The following HOOK3 variants were observed in gnomAD, a reference collection of about 807,000 sequenced individuals.
HOOK3 encodes the protein hook microtubule tethering protein 3, also known as protein Hook homolog 3.
Under a neutral mutation model 116.3 loss-of-function variants are expected in HOOK3, and 24 were observed. That is an observed-to-expected ratio of 0.21 (90% CI 0.15 to 0.29). The LOEUF (loss-of-function observed/expected upper bound fraction) is 0.29. Among genes scored for constraint, HOOK3 ranks in the 10% least tolerant of loss-of-function variants. HOOK3 has a pLI of 1.00. For missense variants in HOOK3, 632 were observed against 830.2 expected (o/e 0.76, Z 2.93); for synonymous variants, 275 against 283.0 (o/e 0.97, Z 0.28).
intron 2 of HOOK3, among the ~76,000 whole-genome samples, chr8:42,915,664 T>C (rs1421867207): frequency 6.6e-6 from 1 of 152,124 alleles, no homozygotes; most frequent in Non-Finnish European, 1.5e-5. Context: ...ACTGCTGACC[T>C]CAGGAGGTCC....
chr8:42,974,161 G>T lies in HOOK3; in HGVS notation c.1288G>T (p.Val430Leu). ...LKETIEELRC[V>L]QAQEGQLTTQ... is the part of the protein sequence containing the mutation. ...GGAAACCATTGAAGAGCTTCGTTGT[G>T]TACAAGCTCAAGAAGGGCAGCTCAC... Residue 430 changes from valine to leucine, a missense_variant, in exon 13 of 22, where the codon GTA becomes TTA. Coordinates refer to ENST00000307602, the MANE Select transcript of HOOK3 (RefSeq NM_032410.4). The T allele has an allele frequency of 6.2e-7, 1 of 1,613,878 alleles. No homozygotes were observed. Among genetic ancestry groups the T allele is most frequent in the Non-Finnish European group, 8.5e-7 (1 of 1,179,772 alleles).
At chr8:42,898,996 T>C (rs1476915396) in intron 1 of HOOK3, among the ~76,000 whole-genome samples, 2 of 152,188 alleles carry the variant, frequency 1.3e-5, no homozygotes, top group African/African-American at 4.8e-5. Context: ...AATATAATGG[T>C]TGTATGGGCA....
At chr8:42,933,548 CCTT>C (rs1459379318) in intron 4 of HOOK3, among the ~76,000 whole-genome samples, 2 of 152,226 alleles carry the variant, frequency 1.3e-5, no homozygotes, top group Non-Finnish European at 2.9e-5. Flanking sequence ...CTTTCACCCT[CCTT>C]CTGGGAATTC....
At chr8:42,936,935 C>A (rs868106687) in intron 4 of HOOK3, among the ~76,000 whole-genome samples, 11 of 152,162 alleles carry the variant, frequency 7.2e-5, no homozygotes, top group Middle Eastern at 3.4e-3. Context: ...ACCTCTTTTT[C>A]TGTTGTTTGG....
intron 15 of HOOK3, among the ~76,000 whole-genome samples, chr8:42,989,989 A>C (rs777503566): frequency 6.6e-6 from 1 of 151,936 alleles, no homozygotes; most frequent in Non-Finnish European, 1.5e-5. Flanking sequence ...GTGCCTATTA[A>C]TTTTTTTATT....
At chr8:43,003,996 T>A (rs1050128336) in intron 17 of HOOK3, among the ~76,000 whole-genome samples, 38 of 152,314 alleles carry the variant, frequency 2.5e-4, no homozygotes, top group Middle Eastern at 6.8e-3. Context: ...AACTCCAATT[T>A]TTCTTTTTAG....
chr8:42,955,796 G>A (rs569305509), intron 6 of HOOK3, among the ~76,000 whole-genome samples: 6 of 152,338 alleles, frequency 3.9e-5, no homozygotes, highest in East Asian at 1.9e-4. Context: ...GTTGTGCTCA[G>A]AGTAGGATAC....
chr8:42,990,833 C>G (rs555871251), intron 15 of HOOK3, among the ~76,000 whole-genome samples: 1 of 152,202 alleles, frequency 6.6e-6, no homozygotes, highest in South Asian at 2.1e-4. Flanking sequence ...TTGATGTGAT[C>G]CCATTTGCTC....
intron 17 of HOOK3, among the ~76,000 whole-genome samples, chr8:43,004,244 G>A (rs1324514999): frequency 6.6e-6 from 1 of 151,462 alleles, no homozygotes; most frequent in African/African-American, 2.4e-5. Flanking sequence ...GCGTGCACCT[G>A]TAATCCTAGC....
At chr8:43,015,916 C>G (rs1809705673) in intron 21 of HOOK3, among the ~76,000 whole-genome samples, 1 of 150,678 alleles carries the variant, frequency 6.6e-6, no homozygotes, top group Non-Finnish European at 1.5e-5. Flanking sequence ...CAGGGTTTCA[C>G]CATCTTGGCC....
intron 1 of HOOK3, among the ~76,000 whole-genome samples, chr8:42,901,627 T>C (rs964453413): frequency 1.3e-5 from 2 of 152,184 alleles, no homozygotes; most frequent in Non-Finnish European, 2.9e-5. Flanking sequence ...CCTCAAGGGC[T>C]AATACAGAGA....
intron 15 of HOOK3, among the ~76,000 whole-genome samples, chr8:42,992,362 T>G (rs1809180537): frequency 7.4e-6 from 1 of 134,576 alleles, no homozygotes; most frequent in Non-Finnish European, 1.5e-5. Flanking sequence ...ATCATGCCAC[T>G]GCACTCCAGC....
At chr8:42,931,006 T>C (rs955545196) in intron 4 of HOOK3, among the ~76,000 whole-genome samples, 1 of 152,220 alleles carries the variant, frequency 6.6e-6, no homozygotes. Context: ...GTCTCCTCCT[T>C]AAAGTCCTCT....
chr8:43,000,164 AT>A, intron 16 of HOOK3: 1 of 671,302 alleles, frequency 1.5e-6, no homozygotes. Context: ...GAAAGTACTT[AT>A]CTTTTACTTC....
intron 1 of HOOK3, among the ~76,000 whole-genome samples, chr8:42,899,869 A>G (rs1387959379): frequency 1.3e-5 from 2 of 152,250 alleles, no homozygotes; most frequent in East Asian, 3.8e-4. Context: ...TTTGAAGATC[A>G]TAATTATATT....
intron 2 of HOOK3, among the ~76,000 whole-genome samples, chr8:42,916,656 A>C (rs956517322): frequency 6.6e-6 from 1 of 152,222 alleles, no homozygotes; most frequent in Non-Finnish European, 1.5e-5. Context: ...ATAAAGCTGC[A>C]CCAGACAGTA....
intron 7 of HOOK3, among the ~76,000 whole-genome samples, chr8:42,957,392 T>TG (rs1808455800): frequency 1.3e-5 from 2 of 152,324 alleles, no homozygotes; most frequent in Admixed American, 1.3e-4. Flanking sequence ...TAACCTACTT[T>TG]GAAATAGGTT....
At chr8:42,951,748 C>T (rs577397306) in intron 6 of HOOK3, among the ~76,000 whole-genome samples, 1 of 152,074 alleles carries the variant, frequency 6.6e-6, no homozygotes. Context: ...TGAGACCATC[C>T]TGGCCAACAT....
At chr8:42,974,298 C>A in intron 13 of HOOK3, 104 bp downstream of exon 13, 1 of 752,508 alleles carries the variant, frequency 1.3e-6, no homozygotes, top group East Asian at 2.7e-5. Flanking sequence ...TGTCTTGGCT[C>A]ACTGCAACCT....
Sources: gnomAD v4.1 joint callset for allele counts (sites outside exome capture counted in the v4.1 genomes callset) on GRCh38, gnomAD v4.1.1 for gene constraint, MANE v1.5 for transcripts, NCBI Gene and HGNC (gene_info 2026-07-23, HGNC 2026-07-21) for gene names.